MAP2: variants seen among roughly 807,000 people sequenced by gnomAD.
The protein encoded by MAP2 is microtubule associated protein 2, also known as microtubule-associated protein 2.
MAP2 carries 14 observed loss-of-function variants against 137.6 expected under a neutral mutation model. The observed-to-expected ratio is 0.10, with a 90% confidence interval of 0.07 to 0.16. The LOEUF is 0.16. MAP2 is among the 10% of genes least tolerant of loss of function. MAP2 has a pLI of 1.00. For synonymous variants in MAP2, 786 were observed against 782.3 expected (o/e 1.00, Z -0.08); for missense variants, 2,088 against 2,191.5 (o/e 0.95, Z 0.94).
intron 13 of MAP2, among the ~76,000 whole-genome samples, chr2:209,720,571 G>A (rs1584548245): frequency 6.6e-6 from 1 of 150,422 alleles, no homozygotes. Context: ...CCCGGGAGGC[G>A]GAGCTTGCAG....
rs568685164 is a variant in MAP2, at chr2:209,707,421, G to A, written c.4732+1694G>A. Among the ~76,000 whole-genome samples the A allele has an allele frequency of 1.1e-4, 17 of 152,132 alleles. No individual in the cohort carries two copies. The East Asian group carries it at 2.9e-3, about 26-fold the overall frequency. On this transcript the variant is annotated intron_variant, in intron 12 of 15. Transcript: ENST00000682079. Reference sequence around the variant, plus strand: ...AGACGATTGGAAAAGCAAGCACTCTGCCCACTTCTACTTGTGCACCATCCC... The same window carrying A: ...AGACGATTGGAAAAGCAAGCACTCTACCCACTTCTACTTGTGCACCATCCC...
intron 5 of MAP2, among the ~76,000 whole-genome samples, chr2:209,660,647 T>G (rs1488831387): frequency 3.4e-5 from 5 of 148,388 alleles, no homozygotes; most frequent in African/African-American, 1.2e-4. Flanking sequence ...CGCCTGCCTC[T>G]GCCTCCCAAA....
intron 5 of MAP2, among the ~76,000 whole-genome samples, chr2:209,674,711 TCA>T (rs1364885946): frequency 6.6e-6 from 1 of 151,808 alleles, no homozygotes; most frequent in Non-Finnish European, 1.5e-5. Flanking sequence ...ACATATATAA[TCA>T]CACACATCAT....
In MAP2 at chr2:209,694,171, T is replaced by C. The variant is rs773943281; in HGVS notation, c.2001T>C (p.Tyr667=). Residue 667 remains tyrosine, a synonymous_variant, in exon 8 of 16, where the codon TAT becomes TAC. Transcript: ENST00000682079. ...TGTTCACTATTGATCCAAAAGTGTA[T>C]GGAGAGAAAAGGGACCTCCACAGTA... ...ERMFTIDPKV[Y]GEKRDLHSKN... 3.7e-6 allele frequency: 6 copies of C among 1,613,986 alleles called. No individual in the cohort carries two copies. The African/African-American group carries it at 8.0e-5, about 22-fold the overall frequency.
At chr2:209,702,869 G>C (rs373913754) in intron 11 of MAP2, among the ~76,000 whole-genome samples, 11 of 152,006 alleles carry the variant, frequency 7.2e-5, no homozygotes, top group Non-Finnish European at 1.6e-4. Context: ...GTTAAAACTT[G>C]AGATAAAAAT....
intron 4 of MAP2, among the ~76,000 whole-genome samples, chr2:209,633,194 ACTCCTGT>A (rs933178555): frequency 6.6e-6 from 1 of 151,702 alleles, no homozygotes; most frequent in African/African-American, 2.4e-5. Context: ...TATTTCCGTT[ACTCCTGT>A]CTAAATACCC....
intron 2 of MAP2, among the ~76,000 whole-genome samples, chr2:209,577,769 G>T (rs1317300961): frequency 1.3e-5 from 2 of 152,180 alleles, no homozygotes; most frequent in African/African-American, 4.8e-5. Context: ...GTAATGATAA[G>T]AGTGCCTAGT....
chr2:209,668,939 A>C (rs998447086), intron 5 of MAP2, among the ~76,000 whole-genome samples: 2 of 152,066 alleles, frequency 1.3e-5, no homozygotes, highest in South Asian at 4.1e-4. Flanking sequence ...GATTACTGAA[A>C]CATGATTATC....
intron 4 of MAP2, among the ~76,000 whole-genome samples, chr2:209,639,410 A>G (rs1373723027): frequency 1.3e-5 from 2 of 152,094 alleles, no homozygotes; most frequent in African/African-American, 2.4e-5. Flanking sequence ...TAATTAATTA[A>G]TTTTTTTGAA....
At chr2:209,704,599 A>C in intron 11 of MAP2, 8 of 1,603,736 alleles carry the variant, frequency 5.0e-6, no homozygotes, top group East Asian at 2.2e-5. Flanking sequence ...ACCGTTTGCC[A>C]TACTCAAAAT....
chr2:209,539,760 A>G (rs953815916), intron 2 of MAP2, among the ~76,000 whole-genome samples: 2 of 151,998 alleles, frequency 1.3e-5, no homozygotes, highest in African/African-American at 4.8e-5. Context: ...TGTTGTTGAC[A>G]AACTCATGTA....
chr2:209,493,284 A>G (rs1256656004), intron 1 of MAP2, among the ~76,000 whole-genome samples: 1 of 152,236 alleles, frequency 6.6e-6, no homozygotes, highest in African/African-American at 2.4e-5. Context: ...TTAATGCAAG[A>G]TGGATTAAAG....
chr2:209,540,612 CTGAG>C (rs2066800237), intron 2 of MAP2, among the ~76,000 whole-genome samples: 1 of 99,142 alleles, frequency 1.0e-5, no homozygotes, highest in Admixed American at 1.6e-4. Flanking sequence ...GCCTGCGTGA[CTGAG>C]TGAGACTCCG....
chr2:209,643,483 C>G (rs948377160), intron 4 of MAP2, among the ~76,000 whole-genome samples: 11 of 152,276 alleles, frequency 7.2e-5, no homozygotes, highest in Middle Eastern at 3.4e-3. Context: ...TCAGAGTTAT[C>G]TACCACACAT....
intron 1 of MAP2, among the ~76,000 whole-genome samples, chr2:209,477,072 A>G (rs186269477): frequency 6.6e-6 from 1 of 152,308 alleles, no homozygotes; most frequent in African/African-American, 2.4e-5. Flanking sequence ...TCAAGTCCAG[A>G]GTTTGATGAC....
chr2:209,584,596 C>A (rs1042270946), intron 3 of MAP2, among the ~76,000 whole-genome samples: 3 of 151,998 alleles, frequency 2.0e-5, no homozygotes, highest in South Asian at 2.1e-4. Context: ...CTACTATGAC[C>A]AAACTGTGTT....
intron 4 of MAP2, among the ~76,000 whole-genome samples, chr2:209,629,181 T>C (rs186074006): frequency 3.3e-5 from 5 of 152,356 alleles, no homozygotes; most frequent in Admixed American, 6.5e-5. Context: ...ATATTTATTA[T>C]TCCTTGCAGT....
intron 12 of MAP2, 141 bp from the exon 13 acceptor site, chr2:209,709,773 T>C (rs2064824257): frequency 1.7e-6 from 1 of 603,820 alleles, no homozygotes; most frequent in Non-Finnish European, 2.8e-6. Flanking sequence ...ACTCTCAGCT[T>C]CTTGAGTACT....
chr2:209,678,861 G>T (rs1038766006), intron 6 of MAP2, among the ~76,000 whole-genome samples, 176 bp downstream of exon 6: 1 of 152,080 alleles, frequency 6.6e-6, no homozygotes, highest in African/African-American at 2.4e-5. Context: ...CCACTGGTTT[G>T]TTGTAGTGTT....
Sources: gnomAD v4.1 joint callset for allele counts (sites outside exome capture counted in the v4.1 genomes callset) on GRCh38, gnomAD v4.1.1 for gene constraint, MANE v1.5 for transcripts, NCBI Gene and HGNC (gene_info 2026-07-23, HGNC 2026-07-21) for gene names.